EPM2A: variants seen among roughly 807,000 people sequenced by gnomAD.
The protein encoded by EPM2A is EPM2A glucan phosphatase, laforin.
EPM2A carries 21 observed loss-of-function variants against 26.5 expected under a neutral mutation model. The ratio of observed to expected loss-of-function variants is 0.79; its 90% CI spans 0.56 to 1.14. The LOEUF is 1.14. Ranked by LOEUF, EPM2A falls within the 50% of genes most tolerant of loss-of-function variation. The probability of loss-of-function intolerance (pLI) is 0.00; values close to 1 mark genes in which losing one functional copy is unlikely to be tolerated. For synonymous variants in EPM2A, 217 were observed against 177.6 expected (o/e 1.22, Z -1.76); for missense variants, 458 against 440.8 (o/e 1.04, Z -0.35).
intron 1 of EPM2A, among the ~76,000 whole-genome samples, chr6:145,729,628 C>T (rs2128644546): frequency 6.6e-6 from 1 of 152,284 alleles, no homozygotes; most frequent in Admixed American, 6.5e-5. Context: ...TGTCTGTACC[C>T]CCATTGTATC....
At chr6:145,718,448 CA>C (rs1562519397) in intron 1 of EPM2A, among the ~76,000 whole-genome samples, 1 of 151,250 alleles carries the variant, frequency 6.6e-6, no homozygotes, top group African/African-American at 2.4e-5. Flanking sequence ...CCCTTCCTTA[CA>C]CTTTATACAA....
At chr6:145,674,941 G>T (rs752616771) in intron 2 of EPM2A, among the ~76,000 whole-genome samples, 1 of 152,066 alleles carries the variant, frequency 6.6e-6, no homozygotes, top group Non-Finnish European at 1.5e-5. Context: ...AGAACACCAC[G>T]AAGATACTCC....
intron 2 of EPM2A, among the ~76,000 whole-genome samples, chr6:145,527,961 A>G (rs1780301913): frequency 6.6e-6 from 1 of 152,166 alleles, no homozygotes; most frequent in African/African-American, 2.4e-5. Context: ...AAAAAAAGTG[A>G]AACAGTCTTT....
intron 2 of EPM2A, among the ~76,000 whole-genome samples, chr6:145,568,126 A>G (rs1370010706): frequency 6.6e-6 from 1 of 152,212 alleles, no homozygotes; most frequent in African/African-American, 2.4e-5. Context: ...TAGGTCTATA[A>G]TAAGTGTACT....
intron 4 of EPM2A, among the ~76,000 whole-genome samples, chr6:145,438,301 T>G (rs1582755192): frequency 6.6e-6 from 1 of 151,742 alleles, no homozygotes; most frequent in South Asian, 2.1e-4. Flanking sequence ...TACAGGGAGG[T>G]ATTCTCCCTG....
intron 1 of EPM2A, among the ~76,000 whole-genome samples, chr6:145,718,067 C>T (rs1362751915): frequency 2.0e-5 from 3 of 151,732 alleles, no homozygotes; most frequent in African/African-American, 7.3e-5. Context: ...AGATTCAATG[C>T]CATCCCCATC....
chr6:145,573,746 T>C (rs1780992148), intron 2 of EPM2A, among the ~76,000 whole-genome samples: 1 of 152,172 alleles, frequency 6.6e-6, no homozygotes, highest in Non-Finnish European at 1.5e-5. Context: ...AGCTGCTAAG[T>C]ATGTCTACAC....
intron 4 of EPM2A, chr6:145,490,004 T>C: frequency 7.3e-7 from 1 of 1,361,512 alleles, no homozygotes; most frequent in South Asian, 1.3e-5. Flanking sequence ...CAGATCTGGA[T>C]GGACGTGTTC....
At chr6:145,441,317 C>A (rs1033728049) in intron 4 of EPM2A, among the ~76,000 whole-genome samples, 1 of 152,202 alleles carries the variant, frequency 6.6e-6, no homozygotes, top group African/African-American at 2.4e-5. Context: ...AGAAGAAGGA[C>A]CCTGGGCCCT....
At chr6:145,443,458 C>T (rs1211144300) in intron 4 of EPM2A, among the ~76,000 whole-genome samples, 1 of 152,098 alleles carries the variant, frequency 6.6e-6, no homozygotes, top group African/African-American at 2.4e-5. Context: ...CTCTCATTAA[C>T]TGTATTCCTA....
intron 4 of EPM2A, among the ~76,000 whole-genome samples, chr6:145,392,427 C>T (rs1168653825): frequency 6.6e-6 from 1 of 152,130 alleles, no homozygotes; most frequent in African/African-American, 2.4e-5. Flanking sequence ...CCCCATTCTC[C>T]TTCTACTGCT....
chr6:145,421,657 A>G lies in EPM2A; in HGVS notation c.556-37560T>C, dbSNP rs117356408. Among the ~76,000 whole-genome samples the G allele has an allele frequency of 3.4e-3, 515 of 152,112 alleles. 2 individuals carry two copies. The highest frequency in any genetic ancestry group is 0.01 in the Middle Eastern group (3 of 288). On this transcript the variant is annotated intron_variant, in intron 4 of 4. Coordinates refer to the EPM2A transcript ENST00000638717. ...CCGAAAACTTAAATAAGATGGTAGA[A>G]ATAAGTTCAAATATGCCAGTTATAA...
At chr6:145,404,884 T>A (rs546648552) in intron 4 of EPM2A, among the ~76,000 whole-genome samples, 1 of 152,242 alleles carries the variant, frequency 6.6e-6, no homozygotes, top group African/African-American at 2.4e-5. Context: ...GGAATATAAA[T>A]AACCTGGAAG....
At chr6:145,564,762 T>A (rs1284677183) in intron 2 of EPM2A, among the ~76,000 whole-genome samples, 1 of 87,562 alleles carries the variant, frequency 1.1e-5, no homozygotes, top group Non-Finnish European at 2.2e-5. Context: ...ACAGATCTTG[T>A]GGGTATATGG....
chr6:145,383,978 A>G (rs1050396434), exon 5 of EPM2A: 2 of 152,156 alleles, frequency 1.3e-5, no homozygotes, highest in South Asian at 2.1e-4. Context: ...ACATTTTATT[A>G]ATGCTGTCCA....
intron 4 of EPM2A, among the ~76,000 whole-genome samples, chr6:145,414,791 G>A (rs1778686163): frequency 6.6e-6 from 1 of 152,046 alleles, no homozygotes; most frequent in African/African-American, 2.4e-5. Context: ...CTCCTCACTG[G>A]ACTTCCTGCC....
chr6:145,436,328 G>A (rs540090019), intron 4 of EPM2A, among the ~76,000 whole-genome samples: 23 of 152,140 alleles, frequency 1.5e-4, no homozygotes, highest in South Asian at 4.1e-4. Context: ...TTGTGTGAAC[G>A]TATCTTTTCA....
At chr6:145,441,019 A>AT (rs1435001202) in intron 4 of EPM2A, among the ~76,000 whole-genome samples, 1 of 152,020 alleles carries the variant, frequency 6.6e-6, no homozygotes. Context: ...CCAAACCCAC[A>AT]TTTTCCCTCT....
At chr6:145,636,576 A>T (rs1178062533) in intron 2 of EPM2A, 1 of 152,236 alleles carries the variant, frequency 6.6e-6, no homozygotes, top group Non-Finnish European at 1.5e-5. Context: ...GGAACTGGGC[A>T]ATTGGCTTCT....
Sources: allele counts gnomAD v4.1 joint callset (sites outside exome capture counted in the v4.1 genomes callset), GRCh38; gene constraint gnomAD v4.1.1; transcripts MANE v1.5; gene names NCBI Gene and HGNC (gene_info 2026-07-23, HGNC 2026-07-21).